The following GLIS1 variants were observed in gnomAD, a reference collection of about 807,000 sequenced individuals.
GLIS1 encodes the protein GLIS family zinc finger 1, also known as zinc finger protein GLIS1.
GLIS1 carries 24 observed loss-of-function variants against 63.8 expected under a neutral mutation model. The observed-to-expected ratio is 0.38, with a 90% CI of 0.27 to 0.53. GLIS1 has a LOEUF of 0.53. Among genes scored for constraint, GLIS1 ranks in the 20% least tolerant of loss-of-function variants. The pLI, the probability that GLIS1 is intolerant of heterozygous loss-of-function variation, is 0.85. For missense variants in GLIS1, 1,036 were observed against 1,074.1 expected (o/e 0.96, Z 0.50); for synonymous variants, 450 against 482.5 (o/e 0.93, Z 0.88).
At chr1:53,618,059 C>T (rs1346419059) in intron 2 of GLIS1, among the ~76,000 whole-genome samples, 1 of 152,220 alleles carries the variant, frequency 6.6e-6, no homozygotes, top group African/African-American at 2.4e-5. Context: ...TGCTGGGGCA[C>T]AAGGTGGGAG....
intron 2 of GLIS1, among the ~76,000 whole-genome samples, chr1:53,643,959 C>T (rs1240311134): frequency 1.3e-5 from 2 of 152,172 alleles, no homozygotes; most frequent in Non-Finnish European, 2.9e-5. Context: ...AGCTGGGAGC[C>T]CAGCCCTGGC....
rs766654253 is a variant in GLIS1, at chr1:53,594,638, T to C, written c.790A>G (p.Ile264Val). ...SPCASSDVTS[I>V]IRSSQTSLVT... ...AGAGACGTCTGGGAGGAGCGGATGA[T>C]GGAGGTGACGTCGGAGGAGGCACAG... Residue 264 changes from isoleucine to valine, a missense_variant, in exon 4 of 11, where the codon ATC becomes GTC. This residue lies in a region of GLIS1 where 592 missense variants were observed against 593.9 expected (regional missense o/e 1.00). Transcript: ENST00000628545. 11 of 1,559,252 alleles carry C rather than the reference T, an allele frequency of 7.1e-6. No individual in the cohort carries two copies. Among genetic ancestry groups the C allele is most frequent in the Non-Finnish European group, 9.6e-6 (11 of 1,149,804 alleles).
At chr1:53,592,847 G>A (rs540558919) in intron 4 of GLIS1, among the ~76,000 whole-genome samples, 12 of 152,236 alleles carry the variant, frequency 7.9e-5, no homozygotes, top group Non-Finnish European at 1.6e-4. Context: ...TCAAGACCCA[G>A]CCTCCTGAAG....
chr1:53,587,698 AAT>A (rs536609345), intron 4 of GLIS1, among the ~76,000 whole-genome samples: 2 of 152,182 alleles, frequency 1.3e-5, no homozygotes, highest in Non-Finnish European at 2.9e-5. Flanking sequence ...TCTTGAGAAA[AAT>A]AGTTACATGC....
intron 4 of GLIS1, among the ~76,000 whole-genome samples, chr1:53,569,433 T>C (rs1263909366): frequency 6.6e-6 from 1 of 152,122 alleles, no homozygotes; most frequent in Admixed American, 6.6e-5. Flanking sequence ...CCTTCCACTC[T>C]GTTTTGCCGT....
intron 2 of GLIS1, among the ~76,000 whole-genome samples, chr1:53,657,031 A>AG (rs1645973637): frequency 6.6e-6 from 1 of 152,064 alleles, no homozygotes; most frequent in African/African-American, 2.4e-5. Context: ...CACAGTCCCC[A>AG]CACCTTTGAC....
chr1:53,608,673 A>G (rs1645395514), intron 2 of GLIS1, among the ~76,000 whole-genome samples: 1 of 152,194 alleles, frequency 6.6e-6, no homozygotes, highest in Non-Finnish European at 1.5e-5. Context: ...CCATATATTA[A>G]GTACCTAGAA....
chr1:53,602,894 G>T (rs10788959), intron 2 of GLIS1, among the ~76,000 whole-genome samples: 122,450 of 152,198 alleles, frequency 0.8, 54,048 homozygotes, highest in Non-Finnish European at 0.99. Flanking sequence ...AAGTAAAAAG[G>T]AAAACCATCA....
At chr1:53,672,786 TTC>T (rs1646166622) in intron 2 of GLIS1, among the ~76,000 whole-genome samples, 1 of 152,206 alleles carries the variant, frequency 6.6e-6, no homozygotes, top group Admixed American at 6.5e-5. Context: ...ACCTCGAGTT[TTC>T]TCTCTTTCTA....
chr1:53,622,364 G>A (rs1395819902), intron 2 of GLIS1, among the ~76,000 whole-genome samples: 1 of 145,866 alleles, frequency 6.9e-6, no homozygotes, highest in East Asian at 2.2e-4. Flanking sequence ...GGAGGCGAAG[G>A]TTGCAGTGAG....
chr1:53,671,529 C>T (rs1370861810), intron 2 of GLIS1, among the ~76,000 whole-genome samples: 1 of 152,140 alleles, frequency 6.6e-6, no homozygotes, highest in Non-Finnish European at 1.5e-5. Context: ...TGAGGCCTCA[C>T]AGAGTAGAAC....
chr1:53,736,322 T>C (rs868138076), intron 2 of GLIS1, among the ~76,000 whole-genome samples: 1 of 152,116 alleles, frequency 6.6e-6, no homozygotes, highest in Non-Finnish European at 1.5e-5. Flanking sequence ...AGCCCCCAGG[T>C]GAAAGGTCTC....
At chr1:53,510,746 A>G (rs1269649677) in intron 8 of GLIS1, among the ~76,000 whole-genome samples, 1 of 152,334 alleles carries the variant, frequency 6.6e-6, no homozygotes, top group East Asian at 1.9e-4. Context: ...AAAAACTAGC[A>G]AGTCGGTCCC....
chr1:53,722,130 A>C (rs1198844559), intron 2 of GLIS1, among the ~76,000 whole-genome samples: 1 of 152,230 alleles, frequency 6.6e-6, no homozygotes, highest in Non-Finnish European at 1.5e-5. Flanking sequence ...GAAAATGTTG[A>C]AACACTGGTA....
At chr1:53,682,121 A>AGTCC (rs1400939451) in intron 2 of GLIS1, among the ~76,000 whole-genome samples, 1 of 152,246 alleles carries the variant, frequency 6.6e-6, no homozygotes, top group Non-Finnish European at 1.5e-5. Context: ...TTCCAGGCAG[A>AGTCC]GTCCGCACCA....
At chr1:53,726,767 C>T (rs568544635) in intron 2 of GLIS1, among the ~76,000 whole-genome samples, 2 of 152,334 alleles carry the variant, frequency 1.3e-5, no homozygotes, top group South Asian at 2.1e-4. Context: ...GACCTGCATC[C>T]TCCATCTCTG....
chr1:53,677,883 G>A (rs1313165462), intron 2 of GLIS1, among the ~76,000 whole-genome samples: 4 of 152,220 alleles, frequency 2.6e-5, no homozygotes, highest in Non-Finnish European at 5.9e-5. Context: ...ACTGCTGCGA[G>A]GCCTCCAAAA....
chr1:53,621,218 C>T (rs1470830675), intron 2 of GLIS1, among the ~76,000 whole-genome samples: 1 of 152,234 alleles, frequency 6.6e-6, no homozygotes, highest in African/African-American at 2.4e-5. Flanking sequence ...AGCTCAGGGC[C>T]TGGCACACAG....
intron 4 of GLIS1, among the ~76,000 whole-genome samples, chr1:53,548,085 C>A (rs555753218): frequency 2.0e-5 from 3 of 152,262 alleles, no homozygotes; most frequent in South Asian, 2.1e-4. Flanking sequence ...TGTTTTCGCA[C>A]GGGGGGCATT....
Sources: gnomAD v4.1 joint callset for allele counts (sites outside exome capture counted in the v4.1 genomes callset) on GRCh38, gnomAD v4.1.1 for gene constraint, gnomAD v4.1.1 regional missense constraint, MANE v1.5 for transcripts, NCBI Gene and HGNC (gene_info 2026-07-23, HGNC 2026-07-21) for gene names.